The following TECR variants were observed in gnomAD, a reference collection of about 807,000 sequenced individuals.
TECR encodes the protein very-long-chain enoyl-CoA reductase.
In TECR, 19 loss-of-function variants were observed where a neutral mutation model predicts 50.6. The ratio of observed to expected loss-of-function variants is 0.38; its 90% CI spans 0.26 to 0.55. TECR has a LOEUF of 0.55. Ranked by LOEUF, TECR falls within the 20% of genes least tolerant of loss-of-function variation. TECR has a pLI of 0.79. For synonymous variants in TECR, 168 were observed against 163.5 expected, an observed-to-expected ratio of 1.03 and a Z score of -0.21; for missense variants, 313 against 408.3, an observed-to-expected ratio of 0.77 and a Z score of 2.01.
chr19:14,540,359 T>C, intron 1 of TECR, among the ~76,000 whole-genome samples: 1 of 152,080 alleles, frequency 6.6e-6, no homozygotes, highest in Non-Finnish European at 1.5e-5. Flanking sequence ...TGAGCCACTG[T>C]GCCTGGCTAA....
intron 11 of TECR, 139 bp from the exon 12 acceptor site, chr19:14,565,479 C>A: frequency 7.0e-7 from 1 of 1,419,636 alleles, no homozygotes. Flanking sequence ...CCGCCGTATA[C>A]AGCCCCGCCT....
chr19:14,565,709 G>A (rs1423385825), intron 12 of TECR, 35 bp from the exon 13 acceptor site: 17 of 1,611,882 alleles, frequency 1.1e-5, no homozygotes, highest in East Asian at 8.9e-5. Flanking sequence ...CCTCCGGGCC[G>A]GCAGCCCCTC....
chr19:14,537,988 C>T (rs975627816), intron 1 of TECR, among the ~76,000 whole-genome samples: 9 of 152,042 alleles, frequency 5.9e-5, no homozygotes, highest in African/African-American at 1.7e-4. Flanking sequence ...TCAGGTGATC[C>T]GCCCAACTTG....
chr19:14,560,665 G>A (rs2073877036), intron 1 of TECR, among the ~76,000 whole-genome samples: 1 of 152,236 alleles, frequency 6.6e-6, no homozygotes, highest in Non-Finnish European at 1.5e-5. Context: ...AGGCCAGGCA[G>A]TGCCTGGAGT....
chr19:14,564,703 C>T lies in TECR; in HGVS notation c.490-83C>T, dbSNP rs982769182. 38 of 1,478,372 alleles carry T rather than the reference C, an allele frequency of 2.6e-5. No homozygotes were observed. The African/African-American group carries it at 4.6e-4, about 18-fold the overall frequency. 91.6% of individuals were successfully genotyped at this position (1,478,372 alleles called of 1,614,324 possible). A position where few individuals can be genotyped will look rare whatever the true frequency, so the allele number is the denominator to read the frequency against. On this transcript the variant is annotated intron_variant, in intron 7 of 12. Transcript: ENST00000215567. Reference sequence around the variant, plus strand: ...CTCCTGTCCTTTCCCACCATGCTCCCAGGCCCCTCGGGATGAGACATGGGC... The same window carrying T: ...CTCCTGTCCTTTCCCACCATGCTCCTAGGCCCCTCGGGATGAGACATGGGC...
At position 14,564,972 on chromosome 19, in the gene TECR, C is replaced by T. The variant is rs777367114; in HGVS notation, c.586C>T (p.Leu196=). 3 of 1,614,044 alleles carry T rather than the reference C, an allele frequency of 1.9e-6. No individual in the cohort carries two copies. The highest frequency in any genetic ancestry group is 1.6e-4 in the Middle Eastern group (1 of 6,062). Residue 196 remains leucine (L), a synonymous_variant, in exon 9 of 13, where the codon CTG becomes TTG. Transcript: ENST00000215567. ...PPTYGAQQVK[L]ALAIFVICQL... is the part of the protein sequence containing the mutation. ...AGCCTACGGAGCTCAGCAGGTGAAA[C>T]TGGCGCTCGCCATCTTTGTGGTAAG...
intron 1 of TECR, among the ~76,000 whole-genome samples, chr19:14,554,264 C>T (rs1045867017): frequency 2.0e-5 from 3 of 152,162 alleles, no homozygotes; most frequent in Non-Finnish European, 4.4e-5. Flanking sequence ...GGGCAGGGAA[C>T]GTGAAATAAC....
At chr19:14,537,839 G>A (rs1347804797) in intron 1 of TECR, among the ~76,000 whole-genome samples, 4 of 145,280 alleles carry the variant, frequency 2.8e-5, no homozygotes, top group East Asian at 2.1e-4. Context: ...TCCGCCTCCC[G>A]GGTTCAGGCG....
At position 14,565,891 on chromosome 19, in the gene TECR, C is replaced by G; in HGVS notation, c.*20C>G. 1 of 1,569,054 alleles carries G rather than the reference C, an allele frequency of 6.4e-7. No homozygotes were observed. Among genetic ancestry groups the G allele is most frequent in the Non-Finnish European group, 8.6e-7 (1 of 1,159,690 alleles). The stretch of plus-strand genomic sequence containing the variant: ...CTCTGAGCGCTCACCCCTGCTGAGG[C>G]TCAGCCCCTCAACCCGGTGGCATTC... On this transcript the variant is annotated 3_prime_UTR_variant, in exon 13 of 13. Coordinates refer to ENST00000215567, the MANE Select transcript of TECR (RefSeq NM_138501.6).
chr19:14,532,946 C>T (rs1442168740), intron 1 of TECR, among the ~76,000 whole-genome samples: 1 of 151,270 alleles, frequency 6.6e-6, no homozygotes. Flanking sequence ...CTCGTCTCTA[C>T]TAAAAACAAA....
intron 1 of TECR, chr19:14,530,470 A>T (rs1262382253): frequency 6.6e-6 from 1 of 152,208 alleles, no homozygotes. Context: ...AGTAACTATC[A>T]TCAAATAATA....
chr19:14,564,329 TGCCCCACCCC>T (rs1693091873), intron 7 of TECR, 42 bp downstream of exon 7: 1 of 1,435,706 alleles, frequency 7.0e-7, no homozygotes, highest in Non-Finnish European at 9.3e-7. Flanking sequence ...CCCGCCTTTC[TGCCCCACCCC>T]GCCCCGCCCC....
At chr19:14,541,789 T>TC (rs1304400018) in intron 1 of TECR, among the ~76,000 whole-genome samples, 1 of 151,858 alleles carries the variant, frequency 6.6e-6, no homozygotes, top group African/African-American at 2.4e-5. Flanking sequence ...TTTCATTTTT[T>TC]TTTTTTTTTT....
At chr19:14,559,693 A>G (rs2073846598) in intron 1 of TECR, among the ~76,000 whole-genome samples, 1 of 152,042 alleles carries the variant, frequency 6.6e-6, no homozygotes, top group South Asian at 2.1e-4. Flanking sequence ...AGGCTGAGGC[A>G]GGAGAATCGT....
At position 14,564,298 on chromosome 19, in the gene TECR, G is replaced by T. The variant is rs766661122; in HGVS notation, c.489+11G>T. 2 of 1,590,752 alleles carry T rather than the reference G, an allele frequency of 1.3e-6. No individual in the cohort carries two copies. On this transcript the variant is annotated intron_variant, in intron 7 of 12. Transcript: ENST00000215567. ...CGCAACATCTTCAAGGTGAGAGCCC[G>T]TCCCCGCCTCACCCCTAAGCCCCGC...
intron 1 of TECR, among the ~76,000 whole-genome samples, chr19:14,556,266 C>T (rs1202491663): frequency 6.6e-6 from 1 of 152,124 alleles, no homozygotes; most frequent in Non-Finnish European, 1.5e-5. Context: ...ACTGGTTCCC[C>T]CACTGTCTAC....
In TECR at chr19:14,557,491, T is replaced by G. The variant is rs1056450590; in HGVS notation, c.16-5034T>G. ...TTTTGAGATGGAGTCTTGCTCTGTC[T>G]CCCAGGCTGGAGTGCAGTGGTGCGA... On this transcript the variant is annotated intron_variant, in intron 1 of 12. Transcript: ENST00000215567. Among the ~76,000 whole-genome samples, 14 of 142,866 alleles carry G rather than the reference T, an allele frequency of 9.8e-5. No homozygotes were observed. The South Asian group carries it at 1.3e-3, about 14-fold the overall frequency. 93.7% of individuals were successfully genotyped at this position (142,866 alleles called of 152,430 possible).
intron 1 of TECR, among the ~76,000 whole-genome samples, chr19:14,543,404 T>C (rs1321594529): frequency 1.9e-4 from 2 of 10,810 alleles, no homozygotes; most frequent in African/African-American, 5.5e-4. Context: ...TATATATATA[T>C]ATATATATAT....
intron 1 of TECR, among the ~76,000 whole-genome samples, chr19:14,550,759 C>T (rs1382299517): frequency 6.6e-6 from 1 of 152,124 alleles, no homozygotes; most frequent in South Asian, 2.1e-4. Context: ...CAGCTCACTG[C>T]AACCTTCACC....
Sources: allele counts gnomAD v4.1 joint callset (sites outside exome capture counted in the v4.1 genomes callset), GRCh38; gene constraint gnomAD v4.1.1; transcripts MANE v1.5; gene names NCBI Gene and HGNC (gene_info 2026-07-23, HGNC 2026-07-21).